Variants in VDR observed in about 807,000 individuals in gnomAD.
VDR encodes the protein vitamin D receptor.
In VDR, 19 loss-of-function variants were observed where a neutral mutation model predicts 39.7. The observed-to-expected ratio is 0.48, with a 90% confidence interval of 0.33 to 0.70. VDR has a LOEUF of 0.70. Among genes scored for constraint, VDR ranks in the 30% least tolerant of loss-of-function variants. The pLI, the probability that VDR is intolerant of heterozygous loss-of-function variation, is 0.02. For synonymous variants in VDR, 242 were observed against 215.8 expected, an observed-to-expected ratio of 1.12 and a Z score of -1.07; for missense variants, 442 against 570.5, an observed-to-expected ratio of 0.77 and a Z score of 2.29.
intron 1 of VDR, among the ~76,000 whole-genome samples, chr12:47,893,349 T>C (rs1946405612): frequency 1.3e-5 from 2 of 152,222 alleles, no homozygotes; most frequent in Non-Finnish European, 2.9e-5. Flanking sequence ...ACAAAGCCAC[T>C]GTCCCCCACA....
At chr12:47,863,622 T>C (rs1945668862) in intron 4 of VDR, among the ~76,000 whole-genome samples, 1 of 152,204 alleles carries the variant, frequency 6.6e-6, no homozygotes, top group South Asian at 2.1e-4. Flanking sequence ...CCACTTCTTA[T>C]TCTCTCCAGG....
rs1176232831 is a variant in VDR at position 47,845,112 on chromosome 12, C to T, written c.1025-107G>A. ...CACAGACACTCAACGGCAGCACCCC[C>T]TAGGCCACCCCTCTATGACTGCTGA... On this transcript the variant is annotated intron_variant, in intron 9 of 9. Transcript: ENST00000549336. The T allele has an allele frequency of 3.2e-6, 5 of 1,548,274 alleles. No homozygotes were observed. In the South Asian group the frequency reaches 4.5e-5, roughly 14 times the overall value.
intron 3 of VDR, among the ~76,000 whole-genome samples, chr12:47,867,848 A>G (rs1431821096): frequency 2.6e-5 from 4 of 152,212 alleles, no homozygotes; most frequent in African/African-American, 9.7e-5. Flanking sequence ...TCACTAGAAC[A>G]TACATGGGGT....
At chr12:47,845,254 C>T (rs1179224510) in intron 9 of VDR, among the ~76,000 whole-genome samples, 3 of 152,000 alleles carry the variant, frequency 2.0e-5, no homozygotes, top group Non-Finnish European at 4.4e-5. Flanking sequence ...GCCTTGCTCC[C>T]TGTCCATGCT....
At chr12:47,901,887 G>A (rs1946568357) in intron 1 of VDR, among the ~76,000 whole-genome samples, 1 of 152,230 alleles carries the variant, frequency 6.6e-6, no homozygotes, top group Non-Finnish European at 1.5e-5. Flanking sequence ...AAGGGTGAAG[G>A]GAAGTCACAC....
At chr12:47,895,562 A>G (rs1410067307) in intron 1 of VDR, among the ~76,000 whole-genome samples, 1 of 152,212 alleles carries the variant, frequency 6.6e-6, no homozygotes, top group South Asian at 2.1e-4. Flanking sequence ...AAGGAATTCT[A>G]CAGGAACAGG....
intron 3 of VDR, among the ~76,000 whole-genome samples, chr12:47,872,202 C>T (rs943111720): frequency 1.3e-5 from 2 of 152,204 alleles, no homozygotes; most frequent in Admixed American, 6.5e-5. Context: ...AAAGCACAAC[C>T]TTGGGCAAGT....
At chr12:47,851,061 T>C (rs1945379058) in intron 7 of VDR, among the ~76,000 whole-genome samples, 1 of 152,142 alleles carries the variant, frequency 6.6e-6, no homozygotes, top group Admixed American at 6.5e-5. Context: ...AAGAAATGAA[T>C]GTGGAGAAAG....
At chr12:47,876,921 G>A (rs575048796) in intron 3 of VDR, among the ~76,000 whole-genome samples, 12 of 152,218 alleles carry the variant, frequency 7.9e-5, no homozygotes, top group Non-Finnish European at 1.5e-4. Context: ...TGAATCTCAG[G>A]GGGGAGGAGG....
At chr12:47,876,283 C>A (rs1193682759) in intron 3 of VDR, among the ~76,000 whole-genome samples, 3 of 151,916 alleles carry the variant, frequency 2.0e-5, no homozygotes, top group Non-Finnish European at 4.4e-5. Context: ...AAATTCAGAA[C>A]CTTGCAGCTG....
chr12:47,871,567 G>T (rs902905038), intron 3 of VDR, among the ~76,000 whole-genome samples: 1 of 150,242 alleles, frequency 6.7e-6, no homozygotes, highest in Non-Finnish European at 1.5e-5. Flanking sequence ...AGGTTCAATC[G>T]ATTCTCTTGC....
chr12:47,844,795 A>T lies in VDR; in HGVS notation c.1235T>A (p.Met412Lys). The T allele has an allele frequency of 6.2e-7, 1 of 1,614,154 alleles. No homozygotes were observed. Among genetic ancestry groups the T allele is most frequent in the Non-Finnish European group, 8.5e-7 (1 of 1,180,010 alleles). The change falls in exon 10 of 10, where the codon ATG (methionine) becomes AAG (lysine). Residue 412 changes from methionine (M) to lysine (K), a missense_variant. Physicochemically the swap from Met to Lys is moderately conservative, Grantham distance 95. This residue lies in a region of VDR where 173 missense variants were observed against 252.0 expected (regional missense o/e 0.69). Coordinates refer to ENST00000549336, the MANE Select transcript of VDR (RefSeq NM_000376.3). ...TTCGAGCACAAGGGGCGTTAGCTTC[A>T]TGCTGCACTCAGGCTGGAAGGAGAG... ...RCLSFQPECS[M>K]KLTPLVLEVF...
chr12:47,846,643 G>A lies in VDR; in HGVS notation c.907+14C>T, dbSNP rs778148321. On this transcript the variant is annotated intron_variant, in intron 8 of 9. Coordinates refer to ENST00000549336, the MANE Select transcript of VDR (RefSeq NM_000376.3). Reference sequence around the variant, plus strand: ...GCTGAAAAAGACTCCCCAGGAGGTGGAGTCTAGGCATACCTTTGGTCACGT... The same window carrying A: ...GCTGAAAAAGACTCCCCAGGAGGTGAAGTCTAGGCATACCTTTGGTCACGT... 1.1e-5 allele frequency: 17 copies of A among 1,613,026 alleles called. No homozygotes were observed. In the Admixed American group the frequency reaches 2.8e-4, roughly 27 times the overall value.
Position 47,848,846 on chromosome 12 carries a change from G to T in VDR, c.756-2038C>A, listed in dbSNP as rs146653863. ...CCTCCCAAGGAGCTGGGATTACGGC[G>T]TGAGCCACTGCACCCGGCCACTTGT... On this transcript the variant is annotated intron_variant, in intron 7 of 9. Coordinates refer to ENST00000549336, the MANE Select transcript of VDR (RefSeq NM_000376.3). Among the ~76,000 whole-genome samples the T allele has an allele frequency of 2.2e-3, 330 of 152,260 alleles. 2 individuals are homozygous for T. Among genetic ancestry groups the T allele is most frequent in the Admixed American group, 6.1e-3 (94 of 15,286 alleles).
At chr12:47,867,497 C>T (rs1470526504) in intron 3 of VDR, among the ~76,000 whole-genome samples, 2 of 152,316 alleles carry the variant, frequency 1.3e-5, no homozygotes, top group African/African-American at 4.8e-5. Context: ...GCCAGCCACA[C>T]CACGTGGACT....
At chr12:47,846,521 G>A in intron 8 of VDR, 70 bp from the exon 9 acceptor site, 1 of 1,548,234 alleles carries the variant, frequency 6.5e-7, no homozygotes, top group Non-Finnish European at 8.8e-7. Flanking sequence ...AACCCCATGG[G>A]TCTGACCCTC....
chr12:47,848,118 G>A (rs1366411687), intron 7 of VDR, among the ~76,000 whole-genome samples: 1 of 152,144 alleles, frequency 6.6e-6, no homozygotes, highest in Non-Finnish European at 1.5e-5. Context: ...TAGCCAGGAT[G>A]GTCTCGATCT....
chr12:47,880,759 T>C (rs1013607573), intron 2 of VDR, among the ~76,000 whole-genome samples: 1 of 151,540 alleles, frequency 6.6e-6, no homozygotes, highest in Non-Finnish European at 1.5e-5. Flanking sequence ...ACTATCCTAA[T>C]AGTAATAGTG....
At chr12:47,902,612 T>C (rs1034308797) in intron 1 of VDR, among the ~76,000 whole-genome samples, 1 of 152,214 alleles carries the variant, frequency 6.6e-6, no homozygotes, top group African/African-American at 2.4e-5. Context: ...TGGAGCCCTG[T>C]AATTCTTTAT....
Sources: gnomAD v4.1 joint callset for allele counts (sites outside exome capture counted in the v4.1 genomes callset) on GRCh38, gnomAD v4.1.1 for gene constraint, gnomAD v4.1.1 regional missense constraint, MANE v1.5 for transcripts, NCBI Gene and HGNC (gene_info 2026-07-23, HGNC 2026-07-21) for gene names.